Variants in ZMIZ1 observed in about 807,000 individuals in gnomAD.
The protein encoded by ZMIZ1 is zinc finger MIZ domain-containing protein 1.
In ZMIZ1, 17 loss-of-function variants were observed where a neutral mutation model predicts 113.9. The observed-to-expected ratio is 0.15, with a 90% CI of 0.10 to 0.22. The LOEUF (loss-of-function observed/expected upper bound fraction) is 0.22. Ranked by LOEUF, ZMIZ1 falls within the 10% of genes least tolerant of loss-of-function variation. ZMIZ1 has a pLI of 1.00. For synonymous variants in ZMIZ1, 607 were observed against 603.1 expected, an observed-to-expected ratio of 1.01 and a Z score of -0.09; for missense variants, 1,059 against 1,477.8, an observed-to-expected ratio of 0.72 and a Z score of 4.65.
chr10:79,232,415 C>T (rs1419828918), intron 7 of ZMIZ1, among the ~76,000 whole-genome samples: 1 of 152,078 alleles, frequency 6.6e-6, no homozygotes, highest in Non-Finnish European at 1.5e-5. Context: ...TCACAAGATA[C>T]ATAATAATTC....
chr10:79,257,406 A>G (rs903411492), intron 7 of ZMIZ1, among the ~76,000 whole-genome samples: 13 of 152,222 alleles, frequency 8.5e-5, no homozygotes, highest in African/African-American at 3.1e-4. Context: ...AAGCTTTAGG[A>G]CTGGGCACCA....
intron 3 of ZMIZ1, among the ~76,000 whole-genome samples, chr10:79,141,209 C>A (rs1042578751): frequency 2.6e-5 from 4 of 152,206 alleles, no homozygotes; most frequent in African/African-American, 2.4e-5. Context: ...CTCATGCATT[C>A]ATTCCCCAGG....
intron 23 of ZMIZ1, among the ~76,000 whole-genome samples, chr10:79,309,708 G>A (rs375383197): frequency 2.8e-4 from 42 of 152,350 alleles, no homozygotes; most frequent in Non-Finnish European, 5.1e-4. Flanking sequence ...GGCAAAGACC[G>A]AGGATGGTGT....
intron 23 of ZMIZ1, among the ~76,000 whole-genome samples, chr10:79,310,107 C>T (rs905681324): frequency 2.6e-5 from 4 of 152,162 alleles, no homozygotes; most frequent in African/African-American, 9.7e-5. Flanking sequence ...AGAGGCACCG[C>T]CAGCCTCACC....
chr10:79,075,429 C>T (rs553886250), intron 1 of ZMIZ1, among the ~76,000 whole-genome samples: 2 of 152,308 alleles, frequency 1.3e-5, no homozygotes, highest in Non-Finnish European at 1.5e-5. Flanking sequence ...GACTAGTGAA[C>T]CCTCCAGAGA....
intron 1 of ZMIZ1, among the ~76,000 whole-genome samples, chr10:79,091,855 G>A (rs1842990941): frequency 6.6e-6 from 1 of 152,210 alleles, no homozygotes; most frequent in African/African-American, 2.4e-5. Flanking sequence ...GGAGGGAGAG[G>A]TGTGTGACAG....
intron 4 of ZMIZ1, among the ~76,000 whole-genome samples, chr10:79,175,823 G>A (rs1316938428): frequency 6.6e-6 from 1 of 151,970 alleles, no homozygotes; most frequent in Non-Finnish European, 1.5e-5. Context: ...CCTGGCTGCA[G>A]CAAACCCTCC....
intron 17 of ZMIZ1, among the ~76,000 whole-genome samples, 184 bp from the exon 18 acceptor site, chr10:79,301,923 C>T (rs189268477): frequency 2.0e-5 from 3 of 152,236 alleles, no homozygotes; most frequent in East Asian, 1.9e-4. Context: ...TCCACCTTGT[C>T]GATCTGCAGC....
intron 2 of ZMIZ1, among the ~76,000 whole-genome samples, chr10:79,129,036 CATA>C (rs1403597556): frequency 1.3e-5 from 2 of 152,134 alleles, no homozygotes; most frequent in Non-Finnish European, 2.9e-5. Context: ...AGCTGGTACT[CATA>C]GTAGTAAGAA....
intron 3 of ZMIZ1, among the ~76,000 whole-genome samples, chr10:79,153,284 G>T (rs1845778276): frequency 6.6e-6 from 1 of 152,218 alleles, no homozygotes; most frequent in African/African-American, 2.4e-5. Flanking sequence ...CCATCACTGG[G>T]CTGGACTATG....
Position 79,273,497 on chromosome 10 carries a change from A to G in ZMIZ1, c.281-3684A>G, listed in dbSNP as rs1367183693. Among the ~76,000 whole-genome samples the G allele has an allele frequency of 3.3e-5, 5 of 152,206 alleles. No individual in the cohort carries two copies. In the South Asian group the frequency reaches 6.2e-4, roughly 19 times the overall value. Reference sequence around the variant, plus strand: ...CTCAGCCTCCCGAGTAGCTGAGATTAGAGGCGCTGGCTACCACACCTGGCT... The same window carrying G: ...CTCAGCCTCCCGAGTAGCTGAGATTGGAGGCGCTGGCTACCACACCTGGCT... On this transcript the variant is annotated intron_variant, in intron 7 of 24. Coordinates refer to ENST00000334512, the MANE Select transcript of ZMIZ1 (RefSeq NM_020338.4).
At chr10:79,312,002 G>A (rs778743295) in intron 24 of ZMIZ1, among the ~76,000 whole-genome samples, 1 of 152,204 alleles carries the variant, frequency 6.6e-6, no homozygotes, top group African/African-American at 2.4e-5. Flanking sequence ...TCACTGTGCA[G>A]CCATCTCAGG....
chr10:79,305,647 C>T, intron 21 of ZMIZ1, 46 bp downstream of exon 21: 1 of 1,594,820 alleles, frequency 6.3e-7, no homozygotes, highest in Non-Finnish European at 8.6e-7. Context: ...GGGGACGAGG[C>T]CTGGATTAGA....
chr10:79,298,653 G>A (rs1854079822), intron 15 of ZMIZ1, 73 bp downstream of exon 15: 1 of 1,396,242 alleles, frequency 7.2e-7, no homozygotes, highest in Admixed American at 2.4e-5. Flanking sequence ...GGGCTTCGCA[G>A]TCAGGCTGCC....
At chr10:79,084,125 C>T (rs1391949391) in intron 1 of ZMIZ1, among the ~76,000 whole-genome samples, 1 of 152,206 alleles carries the variant, frequency 6.6e-6, no homozygotes, top group Non-Finnish European at 1.5e-5. Context: ...ATGCTAAGTC[C>T]TCCACCTCCA....
At chr10:79,241,556 G>A (rs1849831974) in intron 7 of ZMIZ1, among the ~76,000 whole-genome samples, 3 of 152,048 alleles carry the variant, frequency 2.0e-5, no homozygotes, top group Admixed American at 6.6e-5. Context: ...AAGCTAGTTC[G>A]TGTCCAAAAG....
intron 1 of ZMIZ1, among the ~76,000 whole-genome samples, chr10:79,114,478 T>TGC (rs1491367113): frequency 1.4e-4 from 10 of 72,812 alleles, no homozygotes; most frequent in African/African-American, 4.4e-4. Flanking sequence ...TGTGTGTGTC[T>TGC]GTGTGTGTGT....
Position 79,291,071 on chromosome 10 carries a change from G to GGCA in ZMIZ1, c.664_666dup (p.Gln222dup). 1.2e-6 allele frequency: 2 copies of GGCA among 1,614,238 alleles called. No homozygotes were observed. The highest frequency in any genetic ancestry group is 1.1e-5 in the South Asian group (1 of 91,090). ...GGCCTCAACTCCCCACAGTTTGCGG[G>GGCA]GCAGCAGCAGCAGTTCTCAGCCAAG... On this transcript the variant is annotated inframe_insertion, in exon 10 of 25. Coordinates refer to ENST00000334512, the MANE Select transcript of ZMIZ1 (RefSeq NM_020338.4).
chr10:79,108,128 T>TTAATC (rs1255166004), intron 1 of ZMIZ1, among the ~76,000 whole-genome samples: 3 of 152,306 alleles, frequency 2.0e-5, no homozygotes, highest in African/African-American at 7.2e-5. Context: ...GGGCCCAGTT[T>TTAATC]TAATCATCCT....
Sources: gnomAD v4.1 joint callset for allele counts (sites outside exome capture counted in the v4.1 genomes callset) on GRCh38, gnomAD v4.1.1 for gene constraint, MANE v1.5 for transcripts, NCBI Gene and HGNC (gene_info 2026-07-23, HGNC 2026-07-21) for gene names.